EPHA5: variants seen among roughly 807,000 people sequenced by gnomAD.
EPHA5 encodes ephrin type-A receptor 5.
Under a neutral mutation model 105.0 loss-of-function variants are expected in EPHA5, and 60 were observed. The observed-to-expected ratio is 0.57, with a 90% CI of 0.46 to 0.71. The LOEUF (loss-of-function observed/expected upper bound fraction) is 0.71. Ranked by LOEUF, EPHA5 falls within the 30% of genes least tolerant of loss-of-function variation. The probability of loss-of-function intolerance (pLI) is 0.00; values close to 1 mark genes in which losing one functional copy is unlikely to be tolerated. For synonymous variants in EPHA5, 513 were observed against 449.1 expected (o/e 1.14, Z -1.80); for missense variants, 1,218 against 1,274.7 (o/e 0.96, Z 0.68).
intron 2 of EPHA5, among the ~76,000 whole-genome samples, chr4:65,612,185 G>T (rs1744841127): frequency 6.6e-6 from 1 of 151,960 alleles, no homozygotes; most frequent in African/African-American, 2.4e-5. Context: ...GTGCTCTTTT[G>T]TTGCATGGAT....
intron 14 of EPHA5, among the ~76,000 whole-genome samples, chr4:65,342,037 A>G (rs1320862442): frequency 6.6e-6 from 1 of 152,146 alleles, no homozygotes; most frequent in African/African-American, 2.4e-5. Flanking sequence ...ATCTTAGATC[A>G]GTAGACTTCC....
At chr4:65,539,202 A>ATG (rs1736585016) in intron 3 of EPHA5, among the ~76,000 whole-genome samples, 1 of 151,690 alleles carries the variant, frequency 6.6e-6, no homozygotes, top group African/African-American at 2.4e-5. Flanking sequence ...TGGAACTGAG[A>ATG]TGTCCCATAA....
At chr4:65,537,959 C>T (rs1736450486) in intron 3 of EPHA5, among the ~76,000 whole-genome samples, 1 of 151,702 alleles carries the variant, frequency 6.6e-6, no homozygotes, top group Admixed American at 6.6e-5. Context: ...CACACACAGT[C>T]ACCTATATTG....
intron 16 of EPHA5, among the ~76,000 whole-genome samples, chr4:65,327,729 AT>A (rs1246935208): frequency 1.3e-5 from 2 of 151,368 alleles, no homozygotes; most frequent in African/African-American, 4.8e-5. Flanking sequence ...GCATCTTAAT[AT>A]TTTTTAATAA....
intron 3 of EPHA5, among the ~76,000 whole-genome samples, chr4:65,529,947 T>C (rs959804844): frequency 1.3e-5 from 2 of 152,152 alleles, no homozygotes; most frequent in Non-Finnish European, 2.9e-5. Flanking sequence ...AAGGTTATAC[T>C]AATATATACA....
intron 3 of EPHA5, among the ~76,000 whole-genome samples, chr4:65,586,525 C>T (rs921436279): frequency 1.3e-5 from 2 of 151,798 alleles, no homozygotes; most frequent in Non-Finnish European, 2.9e-5. Context: ...CTACAATATT[C>T]TCTATCCTTG....
intron 5 of EPHA5, among the ~76,000 whole-genome samples, chr4:65,436,947 T>C (rs1378033595): frequency 1.3e-5 from 2 of 151,946 alleles, no homozygotes; most frequent in African/African-American, 4.8e-5. Context: ...TATAATAACA[T>C]AGTAGGGAAG....
chr4:65,645,914 AATTACACATCCC>A (rs1401036542), intron 1 of EPHA5, among the ~76,000 whole-genome samples: 1 of 152,156 alleles, frequency 6.6e-6, no homozygotes, highest in Non-Finnish European at 1.5e-5. Context: ...TTAAAAAGGT[AATTACACATCCC>A]ATTTCTAGAA....
At chr4:65,658,171 C>A (rs1260462478) in intron 1 of EPHA5, among the ~76,000 whole-genome samples, 1 of 151,944 alleles carries the variant, frequency 6.6e-6, no homozygotes, top group South Asian at 2.1e-4. Context: ...CAGACCTAGG[C>A]ATAAATATCA....
At chr4:65,632,762 A>G (rs1304279152) in intron 2 of EPHA5, among the ~76,000 whole-genome samples, 4 of 152,078 alleles carry the variant, frequency 2.6e-5, no homozygotes, top group Admixed American at 2.6e-4. Flanking sequence ...CAATGTGTTC[A>G]ATATACAATA....
chr4:65,339,180 A>C (rs1721465847), intron 14 of EPHA5, among the ~76,000 whole-genome samples: 1 of 152,076 alleles, frequency 6.6e-6, no homozygotes, highest in African/African-American at 2.4e-5. Context: ...TATTCATTTG[A>C]TGGCAGGGTG....
intron 3 of EPHA5, among the ~76,000 whole-genome samples, chr4:65,589,527 G>A (rs939232469): frequency 2.0e-5 from 3 of 152,004 alleles, no homozygotes; most frequent in Non-Finnish European, 4.4e-5. Context: ...CATTTATCTG[G>A]GCAGCAACAT....
rs1721129819 is a variant in EPHA5 at position 65,335,938 on chromosome 4, G to A, written c.2783C>T (p.Ser928Phe). The A allele has an allele frequency of 1.2e-6, 2 of 1,608,752 alleles. No individual in the cohort carries two copies. The highest frequency in any genetic ancestry group is 1.7e-6 in the Non-Finnish European group (2 of 1,177,238). The change falls in exon 15 of 17, where the codon TCC (serine) becomes TTC (phenylalanine). Residue 928 changes from serine to phenylalanine, a missense_variant. By Grantham distance (155) the Ser-to-Phe change is radical. Around this residue, in one of 3 missense-constraint regions of EPHA5, gnomAD observed 971 missense variants for 1,013.5 expected, o/e 0.96. Coordinates refer to ENST00000613740, the MANE Select transcript of EPHA5 (RefSeq NM_001281766.3). Reference sequence around the variant, plus strand: ...CTCGGATCTGGCCTTGTACCTGCAGGATGCATTAACCAGCGTCTTCAGACT... The same window carrying A: ...CTCGGATCTGGCCTTGTACCTGCAGAATGCATTAACCAGCGTCTTCAGACT... ...PSSLKTLVNASCRVSNLLAEH... is the reference protein window; with the variant it reads ...PSSLKTLVNAFCRVSNLLAEH...
intron 8 of EPHA5, among the ~76,000 whole-genome samples, chr4:65,397,426 C>T (rs1721350688): frequency 6.6e-6 from 1 of 152,038 alleles, no homozygotes; most frequent in African/African-American, 2.4e-5. Flanking sequence ...CTGTTCCCCA[C>T]CTAAAACATT....
At chr4:65,500,262 T>C (rs2149238802) in intron 3 of EPHA5, among the ~76,000 whole-genome samples, 1 of 151,472 alleles carries the variant, frequency 6.6e-6, no homozygotes, top group South Asian at 2.1e-4. Flanking sequence ...TCATTTAAGT[T>C]GAGCAAAGAG....
intron 3 of EPHA5, among the ~76,000 whole-genome samples, chr4:65,546,276 A>G (rs1737362843): frequency 6.6e-6 from 1 of 152,000 alleles, no homozygotes; most frequent in Non-Finnish European, 1.5e-5. Flanking sequence ...AGAGAATTTA[A>G]TAATCAAGTT....
chr4:65,505,081 C>T (rs890173026), intron 3 of EPHA5, among the ~76,000 whole-genome samples: 1 of 151,902 alleles, frequency 6.6e-6, no homozygotes, highest in Non-Finnish European at 1.5e-5. Flanking sequence ...TATTTGGTTA[C>T]ATATTTCCCA....
intron 16 of EPHA5, among the ~76,000 whole-genome samples, chr4:65,328,362 A>G (rs948490576): frequency 6.6e-6 from 1 of 151,328 alleles, no homozygotes; most frequent in Non-Finnish European, 1.5e-5. Flanking sequence ...ACTGATATTA[A>G]TGATGCTAAA....
chr4:65,562,435 T>C (rs74863743), intron 3 of EPHA5, among the ~76,000 whole-genome samples: 3,232 of 152,098 alleles, frequency 0.021, 45 homozygotes, highest in Non-Finnish European at 0.034. Context: ...CCCCTCATGT[T>C]TTAGGGGAAA....
Sources: allele counts gnomAD v4.1 joint callset (sites outside exome capture counted in the v4.1 genomes callset), GRCh38; gene constraint gnomAD v4.1.1; regional missense constraint gnomAD v4.1.1; transcripts MANE v1.5; gene names NCBI Gene and HGNC (gene_info 2026-07-23, HGNC 2026-07-21).